The following ERBB4 variants were observed in gnomAD, a reference collection of about 807,000 sequenced individuals.
ERBB4 encodes the protein receptor tyrosine-protein kinase erbB-4.
In ERBB4, 42 loss-of-function variants were observed where a neutral mutation model predicts 158.0. The ratio of observed to expected loss-of-function variants is 0.27; its 90% CI spans 0.21 to 0.34. The LOEUF is 0.34. ERBB4 is among the 10% of genes least tolerant of loss of function. ERBB4 has a pLI of 1.00. For missense variants in ERBB4, 1,333 were observed against 1,624.1 expected (o/e 0.82, Z 3.08); for synonymous variants, 583 against 558.7 (o/e 1.04, Z -0.61).
intron 25 of ERBB4, among the ~76,000 whole-genome samples, chr2:211,415,776 G>A (rs1209095814): frequency 6.6e-6 from 1 of 152,160 alleles, no homozygotes; most frequent in South Asian, 2.1e-4. Flanking sequence ...AAATTTTTGA[G>A]ATACCAAACT....
chr2:211,639,321 G>A (rs1020410432), intron 16 of ERBB4, among the ~76,000 whole-genome samples: 1 of 152,142 alleles, frequency 6.6e-6, no homozygotes, highest in Non-Finnish European at 1.5e-5. Context: ...TATGGACAAG[G>A]TAATATGAAG....
intron 2 of ERBB4, among the ~76,000 whole-genome samples, chr2:212,105,918 CTT>C (rs1283014635): frequency 6.6e-6 from 1 of 152,202 alleles, no homozygotes; most frequent in Admixed American, 6.5e-5. Context: ...ATTATTCTCT[CTT>C]GTCTGCCTCT....
At chr2:212,081,834 G>GT (rs1167469169) in intron 2 of ERBB4, among the ~76,000 whole-genome samples, 4 of 152,144 alleles carry the variant, frequency 2.6e-5, no homozygotes, top group Admixed American at 1.3e-4. Context: ...TCAGTTCTGG[G>GT]TTTTTTATAT....
At chr2:212,535,347 A>G (rs1692991625) in intron 1 of ERBB4, among the ~76,000 whole-genome samples, 1 of 152,298 alleles carries the variant, frequency 6.6e-6, no homozygotes, top group East Asian at 1.9e-4. Flanking sequence ...TTGAAAATAT[A>G]TTTAACACCT....
rs949239237 is a variant in ERBB4, at chr2:211,869,085, T to C, written c.421+78345A>G. On this transcript the variant is annotated intron_variant, in intron 3 of 27. Transcript: ENST00000342788. ...GCACAGCATATAAGCCCCTTTGGAATCTTGTCCCAACAATTTTTTCACTTG... is the reference window on the plus strand; with the variant it reads ...GCACAGCATATAAGCCCCTTTGGAACCTTGTCCCAACAATTTTTTCACTTG... Among the ~76,000 whole-genome samples the C allele has an allele frequency of 4.9e-5, 7 of 142,572 alleles. 1 individual carries two copies. The highest frequency in any genetic ancestry group is 1.7e-4 in the African/African-American group (7 of 41,140). The allele number at this position is 142,572 out of a possible 152,430, so 93.5% of individuals were successfully genotyped here.
At chr2:211,943,306 T>TA (rs1347675928) in intron 3 of ERBB4, among the ~76,000 whole-genome samples, 3 of 152,110 alleles carry the variant, frequency 2.0e-5, no homozygotes, top group Admixed American at 2.0e-4. Context: ...TATATACTAT[T>TA]AAATGTCGAT....
intron 4 of ERBB4, among the ~76,000 whole-genome samples, chr2:211,775,392 C>G (rs1055164744): frequency 6.6e-6 from 1 of 152,162 alleles, no homozygotes; most frequent in Non-Finnish European, 1.5e-5. Flanking sequence ...GCTCTTCCAT[C>G]TTTCCCTTAC....
At chr2:212,363,056 G>T (rs1485875206) in intron 1 of ERBB4, among the ~76,000 whole-genome samples, 1 of 151,252 alleles carries the variant, frequency 6.6e-6, no homozygotes, top group Non-Finnish European at 1.5e-5. Flanking sequence ...AAATTTAGCA[G>T]TTTGGTATAT....
intron 19 of ERBB4, among the ~76,000 whole-genome samples, chr2:211,575,194 C>G (rs1224066424): frequency 2.0e-5 from 3 of 152,124 alleles, no homozygotes; most frequent in Non-Finnish European, 4.4e-5. Flanking sequence ...GTAGATCTAG[C>G]AGATTTTGTG....
In ERBB4 at chr2:212,184,321, A is replaced by G. The variant is rs557645270; in HGVS notation, c.83-59418T>C. Among the ~76,000 whole-genome samples, 13 of 152,168 alleles carry G rather than the reference A, an allele frequency of 8.5e-5. No homozygotes were observed. The East Asian group carries it at 2.3e-3, about 27-fold the overall frequency. ...TGCCGAAAACCCTGTGTTCTTGAAT[A>G]TTTCAACTGTTATTAATCACCCCCT... On this transcript the variant is annotated intron_variant, in intron 1 of 27. Coordinates refer to ENST00000342788, the MANE Select transcript of ERBB4 (RefSeq NM_005235.3).
At chr2:211,835,007 A>T (rs748597198) in intron 3 of ERBB4, among the ~76,000 whole-genome samples, 1 of 152,138 alleles carries the variant, frequency 6.6e-6, no homozygotes, top group African/African-American at 2.4e-5. Context: ...ATGCATAAAC[A>T]TGTCAACCAC....
chr2:212,362,253 A>C (rs17347606), intron 1 of ERBB4, among the ~76,000 whole-genome samples: 15,150 of 151,476 alleles, frequency 0.1, 798 homozygotes, highest in Admixed American at 0.12. Flanking sequence ...TACTAAAATA[A>C]AGACTTTGTA....
intron 1 of ERBB4, among the ~76,000 whole-genome samples, chr2:212,534,145 C>T (rs1462219936): frequency 6.6e-6 from 1 of 152,182 alleles, no homozygotes; most frequent in African/African-American, 2.4e-5. Context: ...AACATGTTAA[C>T]TTTTCCTAAT....
At chr2:212,103,274 T>G (rs1005894323) in intron 2 of ERBB4, among the ~76,000 whole-genome samples, 1 of 152,114 alleles carries the variant, frequency 6.6e-6, no homozygotes, top group African/African-American at 2.4e-5. Context: ...TTTTGATAAG[T>G]CTTCCTTCAC....
intron 2 of ERBB4, among the ~76,000 whole-genome samples, chr2:212,054,633 T>C (rs1307813932): frequency 6.6e-6 from 1 of 152,108 alleles, no homozygotes; most frequent in Non-Finnish European, 1.5e-5. Flanking sequence ...TCTTCTTCCC[T>C]CTCCAGTGCC....
rs185290316 is a variant in ERBB4, at chr2:212,411,711, G to T, written c.82+126738C>A. On this transcript the variant is annotated intron_variant, in intron 1 of 27. Coordinates refer to ENST00000342788, the MANE Select transcript of ERBB4 (RefSeq NM_005235.3). Reference sequence around the variant, plus strand: ...TAGGTAGTTTTGTGATCTCTGTGGGGAAGTCAACAGTCTCTCTCTCCCTTG... The same window carrying T: ...TAGGTAGTTTTGTGATCTCTGTGGGTAAGTCAACAGTCTCTCTCTCCCTTG... 1.3e-4 allele frequency among the ~76,000 whole-genome samples: 20 copies of T among 152,216 alleles called. No homozygotes were observed. The East Asian group carries it at 2.9e-3, about 22-fold the overall frequency.
chr2:212,171,205 C>T (rs1156400296), intron 1 of ERBB4, among the ~76,000 whole-genome samples: 1 of 152,058 alleles, frequency 6.6e-6, no homozygotes, highest in Non-Finnish European at 1.5e-5. Flanking sequence ...GACTGCCCTG[C>T]TGGATTTCAG....
chr2:211,520,130 G>T (rs1246669530), intron 20 of ERBB4, among the ~76,000 whole-genome samples: 9 of 151,962 alleles, frequency 5.9e-5, no homozygotes, highest in African/African-American at 2.2e-4. Context: ...AATTTTTTTT[G>T]AAAGGTATGT....
intron 2 of ERBB4, among the ~76,000 whole-genome samples, chr2:211,997,050 A>C (rs1273246277): frequency 6.6e-6 from 1 of 152,166 alleles, no homozygotes; most frequent in Non-Finnish European, 1.5e-5. Flanking sequence ...AAATAGAAAC[A>C]GAAGGTCTGC....
Sources: gnomAD v4.1 joint callset for allele counts (sites outside exome capture counted in the v4.1 genomes callset) on GRCh38, gnomAD v4.1.1 for gene constraint, MANE v1.5 for transcripts, NCBI Gene and HGNC (gene_info 2026-07-23, HGNC 2026-07-21) for gene names.